Variants in DKK2 observed in about 807,000 individuals in gnomAD.
DKK2 encodes the protein dickkopf Wnt signaling pathway inhibitor 2.
Under a neutral mutation model 28.1 loss-of-function variants are expected in DKK2, and 11 were observed. The ratio of observed to expected loss-of-function variants is 0.39; its 90% CI spans 0.25 to 0.65. The LOEUF is 0.65. Among genes scored for constraint, DKK2 ranks in the 30% least tolerant of loss-of-function variants. DKK2 has a pLI of 0.47. For synonymous variants in DKK2, 135 were observed against 126.5 expected (o/e 1.07, Z -0.45); for missense variants, 326 against 335.5 (o/e 0.97, Z 0.22).
chr4:106,965,290 T>G (rs1383539674), intron 1 of DKK2, among the ~76,000 whole-genome samples: 2 of 152,116 alleles, frequency 1.3e-5, no homozygotes, highest in Non-Finnish European at 2.9e-5. Flanking sequence ...ATTTTATATT[T>G]TGAGGGACAA....
intron 1 of DKK2, among the ~76,000 whole-genome samples, chr4:106,960,341 G>T (rs186024506): frequency 6.6e-6 from 1 of 152,110 alleles, no homozygotes; most frequent in African/African-American, 2.4e-5. Flanking sequence ...AATACCACAC[G>T]TTCTCACTTC....
At chr4:106,948,542 T>C (rs573610990) in intron 1 of DKK2, among the ~76,000 whole-genome samples, 99 of 152,276 alleles carry the variant, frequency 6.5e-4, no homozygotes, top group Non-Finnish European at 1.2e-3. Flanking sequence ...AATGAAAACA[T>C]GTAGGTGAAA....
At chr4:106,931,630 T>C (rs1724506609) in intron 1 of DKK2, among the ~76,000 whole-genome samples, 1 of 152,184 alleles carries the variant, frequency 6.6e-6, no homozygotes, top group Non-Finnish European at 1.5e-5. Flanking sequence ...TAAAATGACT[T>C]CTGACTATTA....
chr4:106,947,675 C>CT (rs556558001), intron 1 of DKK2, among the ~76,000 whole-genome samples: 370 of 136,180 alleles, frequency 2.7e-3, no homozygotes, highest in African/African-American at 4.5e-3. Flanking sequence ...TTCTTTCTTT[C>CT]TTTTTTTTTT....
At chr4:107,007,943 A>G (rs766529250) in intron 1 of DKK2, among the ~76,000 whole-genome samples, 8 of 152,130 alleles carry the variant, frequency 5.3e-5, no homozygotes, top group South Asian at 2.1e-4. Context: ...GGAAACATCA[A>G]TTTCCCAGAG....
chr4:106,958,665 G>A (rs760946643), intron 1 of DKK2, among the ~76,000 whole-genome samples: 1 of 151,670 alleles, frequency 6.6e-6, no homozygotes, highest in Non-Finnish European at 1.5e-5. Flanking sequence ...GTGAAACCCC[G>A]TCTCTACTAA....
At chr4:106,931,246 G>T (rs975522926) in intron 1 of DKK2, among the ~76,000 whole-genome samples, 7 of 152,090 alleles carry the variant, frequency 4.6e-5, no homozygotes, top group African/African-American at 9.7e-5. Flanking sequence ...GAAAAGTTCA[G>T]ATATTACATG....
Position 107,035,464 on chromosome 4 carries a change from C to G in DKK2, c.128G>C (p.Gly43Ala). The change falls in exon 1 of 4, where the codon GGC becomes GCC. Residue 43 changes from glycine (G) to alanine (A), a missense_variant. By Grantham distance (60) the Gly-to-Ala change is moderately conservative. Transcript: ENST00000285311. Reference protein sequence around the residue: ...AKLNSIKSSLGGETPGQAANR... With the variant: ...AKLNSIKSSLAGETPGQAANR... Reference sequence around the variant, plus strand: ...GGCGGCCTGACCAGGCGTCTCCCCGCCCAGAGAGGACTTGATGGAGTTGAG... The same window carrying G: ...GGCGGCCTGACCAGGCGTCTCCCCGGCCAGAGAGGACTTGATGGAGTTGAG... The G allele has an allele frequency of 6.2e-7, 1 of 1,614,212 alleles. No individual in the cohort carries two copies. The highest frequency in any genetic ancestry group is 1.1e-5 in the South Asian group (1 of 91,084).
Position 106,978,468 on chromosome 4 carries a change from G to GA in DKK2, c.223-52520dup, listed in dbSNP as rs1010574576. ...GAGAAGGAATCTAGAGAGGCAGTCT[G>GA]ACTACAGCAGCTTTGTGGAGCTGCG... On this transcript the variant is annotated intron_variant, in intron 1 of 3. Transcript: ENST00000285311. 7.2e-5 allele frequency among the ~76,000 whole-genome samples: 11 copies of GA among 152,298 alleles called. No homozygotes were observed. The East Asian group carries it at 1.5e-3, about 21-fold the overall frequency.
chr4:106,973,453 A>G (rs1297834036), intron 1 of DKK2, among the ~76,000 whole-genome samples: 4 of 152,182 alleles, frequency 2.6e-5, no homozygotes, highest in Admixed American at 2.6e-4. Context: ...ACAGTATCTA[A>G]TTTTGGCTTT....
At chr4:106,984,633 T>G (rs1723089925) in intron 1 of DKK2, among the ~76,000 whole-genome samples, 1 of 152,248 alleles carries the variant, frequency 6.6e-6, no homozygotes, top group South Asian at 2.1e-4. Flanking sequence ...CACATTTTGT[T>G]TATCCATTCA....
At chr4:107,003,423 A>G (rs145384577) in intron 1 of DKK2, among the ~76,000 whole-genome samples, 66 of 152,308 alleles carry the variant, frequency 4.3e-4, no homozygotes, top group African/African-American at 1.5e-3. Context: ...TACTTCTTGG[A>G]TGCTCTGGAC....
In DKK2 at chr4:107,024,290, C is replaced by A. The variant is rs184982426; in HGVS notation, c.222+11080G>T. On this transcript the variant is annotated intron_variant, in intron 1 of 3. Coordinates refer to ENST00000285311, the MANE Select transcript of DKK2 (RefSeq NM_014421.3). ...CAGGCATGACAGAAAAAAATAAAGA[C>A]ATAGGGCTCTTCTTGAATAGACAGG... Among the ~76,000 whole-genome samples, 305 of 152,132 alleles carry A rather than the reference C, an allele frequency of 2.0e-3. 4 individuals are homozygous for A. The highest frequency in any genetic ancestry group is 7.2e-3 in the African/African-American group (297 of 41,508).
chr4:106,984,247 A>G lies in DKK2; in HGVS notation c.222+51123T>C, dbSNP rs1324945857. Among the ~76,000 whole-genome samples, 9 of 152,232 alleles carry G rather than the reference A, an allele frequency of 5.9e-5. No homozygotes were observed. The East Asian group carries it at 1.7e-3, about 29-fold the overall frequency. On this transcript the variant is annotated intron_variant, in intron 1 of 3. Coordinates refer to ENST00000285311, the MANE Select transcript of DKK2 (RefSeq NM_014421.3). Reference sequence around the variant, plus strand: ...ATTTTTAAGTGTACAGTTTTGTTACACTAAGTACATTCACAGTGTTGTGCA... The same window carrying G: ...ATTTTTAAGTGTACAGTTTTGTTACGCTAAGTACATTCACAGTGTTGTGCA...
chr4:106,944,315 T>C (rs1724747258), intron 1 of DKK2, among the ~76,000 whole-genome samples: 1 of 152,090 alleles, frequency 6.6e-6, no homozygotes, highest in Non-Finnish European at 1.5e-5. Context: ...ACCAGCTATG[T>C]TAAATTAGTG....
intron 1 of DKK2, among the ~76,000 whole-genome samples, chr4:106,928,989 AAAGGAC>A (rs1327914549): frequency 1.0e-3 from 155 of 152,266 alleles, no homozygotes; most frequent in African/African-American, 3.5e-3. Context: ...TGTGGCAATG[AAAGGAC>A]TGCTGGAGGG....
At chr4:106,942,826 G>A (rs772630074) in intron 1 of DKK2, among the ~76,000 whole-genome samples, 1 of 151,764 alleles carries the variant, frequency 6.6e-6, no homozygotes, top group Admixed American at 6.6e-5. Context: ...TGTTTAGTAC[G>A]CTATATAAAA....
chr4:106,943,818 C>T (rs1382039240), intron 1 of DKK2, among the ~76,000 whole-genome samples: 1 of 152,064 alleles, frequency 6.6e-6, no homozygotes, highest in Non-Finnish European at 1.5e-5. Context: ...TCCCCAATAG[C>T]TATTCAGAGC....
chr4:106,993,059 T>C (rs1278123397), intron 1 of DKK2, among the ~76,000 whole-genome samples: 1 of 152,242 alleles, frequency 6.6e-6, no homozygotes, highest in Non-Finnish European at 1.5e-5. Flanking sequence ...CCAATTCAAG[T>C]GTAGACAAGT....
Sources: allele counts gnomAD v4.1 joint callset (sites outside exome capture counted in the v4.1 genomes callset), GRCh38; gene constraint gnomAD v4.1.1; transcripts MANE v1.5; gene names NCBI Gene and HGNC (gene_info 2026-07-23, HGNC 2026-07-21).